MTMR9: variants seen among roughly 807,000 people sequenced by gnomAD.
MTMR9 encodes the protein myotubularin-related protein 9.
Under a neutral mutation model 69.5 loss-of-function variants are expected in MTMR9, and 39 were observed. That is an observed-to-expected ratio of 0.56 (90% CI 0.43 to 0.73). The LOEUF is 0.73. MTMR9 is among the 30% of genes least tolerant of loss of function. MTMR9 has a pLI of 0.00. For synonymous variants in MTMR9, 354 were observed against 240.8 expected (o/e 1.47, Z -4.35); for missense variants, 900 against 671.2 (o/e 1.34, Z -3.77).
At chr8:11,302,126 G>C (rs1476551184) in intron 3 of MTMR9, among the ~76,000 whole-genome samples, 1 of 151,740 alleles carries the variant, frequency 6.6e-6, no homozygotes, top group African/African-American at 2.4e-5. Flanking sequence ...GATAATGTGT[G>C]TCTTTGGTCC....
intron 2 of MTMR9, among the ~76,000 whole-genome samples, chr8:11,295,922 A>G (rs1315655460): frequency 6.6e-6 from 1 of 152,200 alleles, no homozygotes; most frequent in African/African-American, 2.4e-5. Context: ...AGTTCCTTAG[A>G]GACACTGCAA....
intron 1 of MTMR9, among the ~76,000 whole-genome samples, chr8:11,294,474 A>G (rs555873845): frequency 7.3e-6 from 1 of 136,726 alleles, no homozygotes; most frequent in Non-Finnish European, 1.5e-5. Context: ...TCAGAAATGG[A>G]TGTTAGATTT....
intron 2 of MTMR9, among the ~76,000 whole-genome samples, chr8:11,296,586 T>C (rs1799571178): frequency 6.6e-6 from 1 of 152,202 alleles, no homozygotes; most frequent in Non-Finnish European, 1.5e-5. Flanking sequence ...TTTCTGTTTC[T>C]CTGAATTTGA....
intron 6 of MTMR9, among the ~76,000 whole-genome samples, chr8:11,312,046 A>G (rs1554503530): frequency 6.6e-6 from 1 of 151,876 alleles, no homozygotes; most frequent in Non-Finnish European, 1.5e-5. Flanking sequence ...CAGGTTCCTA[A>G]TTATTTATTT....
Position 11,324,504 on chromosome 8 carries a change from T to C in MTMR9, c.*1716T>C, listed in dbSNP as rs1800834674. The C allele has an allele frequency of 6.9e-6, 1 of 144,648 alleles. No homozygotes were observed. Among genetic ancestry groups the C allele is most frequent in the Admixed American group, 7.2e-5 (1 of 13,904 alleles). 9.0% of individuals were successfully genotyped at this position (144,648 alleles called of 1,614,324 possible). A position where few individuals can be genotyped will look rare whatever the true frequency, so the allele number is the denominator to read the frequency against. The stretch of plus-strand genomic sequence containing the variant: ...CGTTGTGTGAAATGTCCATCTTAGT[T>C]TTGTTAAAAAAAAAAAAAAAAAAAG... On this transcript the variant is annotated 3_prime_UTR_variant, in exon 10 of 10. Transcript: ENST00000221086.
downstream of MTMR9, among the ~76,000 whole-genome samples, chr8:11,332,420 G>T (rs1157697382): frequency 6.6e-6 from 1 of 151,996 alleles, no homozygotes; most frequent in African/African-American, 2.4e-5. Flanking sequence ...TCTTAAATAT[G>T]CACAAGAGTT....
At chr8:11,311,228 A>T (rs76617956) in intron 6 of MTMR9, among the ~76,000 whole-genome samples, 2,572 of 152,334 alleles carry the variant, frequency 0.017, 34 homozygotes, top group Non-Finnish European at 0.026. Context: ...AAGTGACTTC[A>T]GGGAATCTGT....
intron 3 of MTMR9, 73 bp from the exon 4 acceptor site, chr8:11,304,768 C>G (rs1015051350): frequency 1.5e-5 from 22 of 1,493,964 alleles, no homozygotes; most frequent in Non-Finnish European, 1.8e-5. Context: ...CCTCTAAGGT[C>G]TTTTAAAATT....
chr8:11,332,944 T>G (rs1027180188), downstream of MTMR9, among the ~76,000 whole-genome samples: 7 of 152,122 alleles, frequency 4.6e-5, no homozygotes, highest in Non-Finnish European at 1.0e-4. Context: ...TCAGCAAATT[T>G]GAAGATAGGA....
downstream of MTMR9, chr8:11,331,879 C>G: frequency 6.2e-7 from 1 of 1,612,032 alleles, no homozygotes; most frequent in Non-Finnish European, 8.5e-7. Flanking sequence ...TGTGTGGGGG[C>G]AGAGGGGATC....
intron 6 of MTMR9, among the ~76,000 whole-genome samples, chr8:11,313,657 C>T (rs1397023949): frequency 6.6e-6 from 1 of 152,160 alleles, no homozygotes; most frequent in Non-Finnish European, 1.5e-5. Flanking sequence ...TAGAGAGTCT[C>T]CCTGAAGAGA....
chr8:11,296,359 ATTAC>A (rs1479342014), intron 2 of MTMR9, among the ~76,000 whole-genome samples: 1 of 152,218 alleles, frequency 6.6e-6, no homozygotes, highest in Non-Finnish European at 1.5e-5. Flanking sequence ...GTCCTCTGTC[ATTAC>A]TTACTATAAT....
At chr8:11,318,661 C>G (rs1278088991) in intron 8 of MTMR9, 2 of 152,162 alleles carry the variant, frequency 1.3e-5, no homozygotes, top group Admixed American at 6.5e-5. Flanking sequence ...TTATCCTTCT[C>G]TAACAGTTTA....
the MTMR9 span, among the ~76,000 whole-genome samples, chr8:11,337,383 A>G: frequency 6.6e-6 from 1 of 152,182 alleles, no homozygotes; most frequent in Non-Finnish European, 1.5e-5. Context: ...TTCACCTTGG[A>G]TATCTTAACG....
chr8:11,313,651 G>T (rs1800293936), intron 6 of MTMR9, among the ~76,000 whole-genome samples: 1 of 152,212 alleles, frequency 6.6e-6, no homozygotes, highest in Admixed American at 6.5e-5. Flanking sequence ...CTGGAATAGA[G>T]AGTCTCCCTG....
intron 4 of MTMR9, 91 bp downstream of exon 4, chr8:11,305,105 A>G (rs937710883): frequency 2.4e-6 from 3 of 1,242,198 alleles, no homozygotes; most frequent in Non-Finnish European, 3.4e-6. Context: ...CTGTCTGTTC[A>G]CTGAAATGAT....
chr8:11,328,434 C>A (rs982779750), downstream of MTMR9, among the ~76,000 whole-genome samples: 2 of 151,542 alleles, frequency 1.3e-5, no homozygotes, highest in Non-Finnish European at 2.9e-5. Flanking sequence ...ACCCTGTCTT[C>A]TAAATACTTC....
chr8:11,304,345 G>T (rs540583747), intron 3 of MTMR9, among the ~76,000 whole-genome samples: 1 of 152,138 alleles, frequency 6.6e-6, no homozygotes, highest in Non-Finnish European at 1.5e-5. Flanking sequence ...ATCTGGAGTC[G>T]TACAGTCTTA....
intron 3 of MTMR9, 66 bp downstream of exon 3, chr8:11,300,214 A>G: frequency 6.4e-7 from 1 of 1,557,376 alleles, no homozygotes; most frequent in Non-Finnish European, 8.8e-7. Flanking sequence ...ACTTGTGAAA[A>G]TGATCACTTC....
Sources: allele counts gnomAD v4.1 joint callset (sites outside exome capture counted in the v4.1 genomes callset), GRCh38; gene constraint gnomAD v4.1.1; transcripts MANE v1.5; gene names NCBI Gene and HGNC (gene_info 2026-07-23, HGNC 2026-07-21).